Variants in CD109 observed in about 807,000 individuals in gnomAD.
CD109 encodes CD109 antigen.
In CD109, 149 loss-of-function variants were observed where a neutral mutation model predicts 165.8. The observed-to-expected ratio is 0.90, with a 90% CI of 0.79 to 1.03. The LOEUF is 1.03. CD109 is among the 50% of genes least tolerant of loss of function. The pLI is 0.00. For missense variants in CD109, 1,712 were observed against 1,677.8 expected, an observed-to-expected ratio of 1.02 and a Z score of -0.36; for synonymous variants, 585 against 592.1, an observed-to-expected ratio of 0.99 and a Z score of 0.18.
intron 16 of CD109, among the ~76,000 whole-genome samples, chr6:73,780,769 T>C (rs1774455442): frequency 1.1e-5 from 1 of 90,840 alleles, no homozygotes; most frequent in South Asian, 2.9e-4. Context: ...ATATATTTTA[T>C]GTATATATAT....
At position 73,766,021 on chromosome 6, in the gene CD109, A is replaced by C. The variant is rs1303022517; in HGVS notation, c.1199A>C (p.Glu400Ala). Reference sequence around the variant, plus strand: ...ACAGTGACACAGAGAAACTATACTGAGTACTGGAGCGGATCTAACAGTGGA... The same window carrying C: ...ACAGTGACACAGAGAAACTATACTGCGTACTGGAGCGGATCTAACAGTGGA... ...VITVTQRNYTEYWSGSNSGNQ... is the reference protein window; with the variant it reads ...VITVTQRNYTAYWSGSNSGNQ... The change falls in exon 11 of 33, where the codon GAG (glutamate) becomes GCG (alanine). Residue 400 changes from glutamate to alanine, a missense_variant. Transcript: ENST00000287097. The C allele has an allele frequency of 1.2e-6, 2 of 1,613,894 alleles. No individual in the cohort carries two copies. The highest frequency in any genetic ancestry group is 8.5e-7 in the Non-Finnish European group (1 of 1,179,758).
intron 30 of CD109, among the ~76,000 whole-genome samples, chr6:73,816,233 T>C (rs1368687400): frequency 6.6e-6 from 1 of 152,202 alleles, no homozygotes; most frequent in Non-Finnish European, 1.5e-5. Context: ...AATCTCTGTG[T>C]TGGCATCCTT....
intron 6 of CD109, 114 bp from the exon 7 acceptor site, chr6:73,758,830 T>C: frequency 1.5e-6 from 1 of 678,784 alleles, no homozygotes; most frequent in Non-Finnish European, 2.6e-6. Context: ...ACAACAATTT[T>C]ATTTTTCATT....
Position 73,788,508 on chromosome 6 carries a change from T to C in CD109, c.2597T>C (p.Leu866Ser). The C allele has an allele frequency of 6.2e-7, 1 of 1,611,912 alleles. No individual in the cohort carries two copies. Among genetic ancestry groups the C allele is most frequent in the East Asian group, 2.2e-5 (1 of 44,820 alleles). Residue 866 changes from leucine to serine, a missense_variant, in exon 22 of 33, where the codon TTA (leucine) becomes TCA (serine). Leu to Ser is a moderately radical substitution (Grantham distance 145, BLOSUM62 -2). Transcript: ENST00000287097. ...AAATCATATTCACAATCCATCTTAT[T>C]AGACTTGACTGACAATAGGCTACAG... Reference protein sequence around the residue: ...IEKSYSQSILLDLTDNRLQST... With the variant: ...IEKSYSQSILSDLTDNRLQST...
chr6:73,773,210 ATATT>A (rs1270601793), intron 15 of CD109, among the ~76,000 whole-genome samples: 1 of 150,400 alleles, frequency 6.6e-6, no homozygotes, highest in Non-Finnish European at 1.5e-5. Context: ...ATTTACAAGT[ATATT>A]TATATATACA....
chr6:73,725,570 G>A (rs1387457417), intron 3 of CD109, among the ~76,000 whole-genome samples: 2 of 146,420 alleles, frequency 1.4e-5, no homozygotes, highest in Non-Finnish European at 3.0e-5. Flanking sequence ...GAGCAGTGGC[G>A]CGATCTCGGC....
chr6:73,744,784 C>T (rs1238865927), intron 5 of CD109, among the ~76,000 whole-genome samples: 2 of 152,186 alleles, frequency 1.3e-5, no homozygotes, highest in Non-Finnish European at 1.5e-5. Context: ...TTCTGTACCC[C>T]TCTCTGAAGA....
intron 5 of CD109, among the ~76,000 whole-genome samples, chr6:73,744,384 C>G (rs1294268463): frequency 1.3e-5 from 2 of 152,188 alleles, no homozygotes; most frequent in Non-Finnish European, 2.9e-5. Flanking sequence ...TCTAGTCTCA[C>G]TCTGCTATAT....
chr6:73,705,941 T>A (rs547013568), intron 2 of CD109, among the ~76,000 whole-genome samples: 1 of 152,098 alleles, frequency 6.6e-6, no homozygotes, highest in East Asian at 1.9e-4. Flanking sequence ...GGACGGTCTC[T>A]CAAAAGGCAC....
At chr6:73,777,365 C>T (rs1774290228) in intron 15 of CD109, among the ~76,000 whole-genome samples, 1 of 151,934 alleles carries the variant, frequency 6.6e-6, no homozygotes, top group African/African-American at 2.4e-5. Context: ...CAAAAATTTT[C>T]TCCCATTTTG....
intron 2 of CD109, among the ~76,000 whole-genome samples, chr6:73,704,742 T>C (rs965938664): frequency 1.3e-5 from 2 of 152,198 alleles, no homozygotes; most frequent in African/African-American, 4.8e-5. Context: ...TTATTTGCTG[T>C]ATGTGAAACA....
chr6:73,797,456 T>G (rs1382756081), intron 23 of CD109, among the ~76,000 whole-genome samples: 1 of 152,254 alleles, frequency 6.6e-6, no homozygotes, highest in Admixed American at 6.5e-5. Context: ...ATTCGGATGT[T>G]GCCATTGGTC....
chr6:73,774,067 TA>T (rs1308479570), intron 15 of CD109, among the ~76,000 whole-genome samples: 1 of 152,240 alleles, frequency 6.6e-6, no homozygotes, highest in Admixed American at 6.5e-5. Context: ...TTTTAATATC[TA>T]TTATTTTTCC....
At position 73,787,303 on chromosome 6, in the gene CD109, G is replaced by A. The variant is rs776569949; in HGVS notation, c.2407G>A (p.Gly803Ser). ...LMTSNEINATGHQQTLLVPSE... is the reference protein window; with the variant it reads ...LMTSNEINATSHQQTLLVPSE... ...GACTTCAAATGAAATAAATGCCACA[G>A]GCCACCAGCAGACCCTTCTGGTTCC... The change falls in exon 21 of 33, where the codon GGC becomes AGC. Residue 803 changes from glycine (G) to serine (S), a missense_variant. Gly to Ser is a moderately conservative substitution (Grantham distance 56). Coordinates refer to ENST00000287097, the MANE Select transcript of CD109 (RefSeq NM_133493.5). The A allele has an allele frequency of 6.2e-7, 1 of 1,613,960 alleles. No individual in the cohort carries two copies. The highest frequency in any genetic ancestry group is 8.5e-7 in the Non-Finnish European group (1 of 1,179,894).
In CD109 at chr6:73,780,732, C is replaced by A. The variant is rs1774451550; in HGVS notation, c.1902+234C>A. ...AATTGACATTAAACAAATAATTTTT[C>A]CTTTATGTATATGTATTTCCATATA... On this transcript the variant is annotated intron_variant, in intron 16 of 32. Coordinates refer to ENST00000287097, the MANE Select transcript of CD109 (RefSeq NM_133493.5). 2.5e-5 allele frequency among the ~76,000 whole-genome samples: 3 copies of A among 118,956 alleles called. 1 individual carries two copies. The highest frequency in any genetic ancestry group is 3.4e-5 in the African/African-American group (1 of 29,654). The allele number at this position is 118,956 out of a possible 152,430, so 78.0% of individuals were successfully genotyped here.
intron 29 of CD109, among the ~76,000 whole-genome samples, chr6:73,813,690 A>G (rs1775830384): frequency 6.6e-6 from 1 of 152,166 alleles, no homozygotes; most frequent in South Asian, 2.1e-4. Context: ...TGGGTAATAA[A>G]ATACTAAACT....
rs1400636340 is a variant in CD109, at chr6:73,730,588, A to G, written c.507+14A>G. ...ATTCTCATTAAGGTAAGTGCCAGAC[A>G]GAAATGAAGCAAGGAATTCTAGCCA... On this transcript the variant is annotated intron_variant, in intron 4 of 32. Coordinates refer to ENST00000287097, the MANE Select transcript of CD109 (RefSeq NM_133493.5). The G allele has an allele frequency of 6.5e-7, 1 of 1,539,668 alleles. No homozygotes were observed. The highest frequency in any genetic ancestry group is 1.7e-5 in the Admixed American group (1 of 58,986).
intron 27 of CD109, among the ~76,000 whole-genome samples, chr6:73,810,443 A>G (rs1168179390): frequency 1.3e-5 from 2 of 151,920 alleles, no homozygotes; most frequent in African/African-American, 4.8e-5. Context: ...TGATATTTAT[A>G]TGGAATAAAT....
At chr6:73,811,253 G>A in intron 28 of CD109, 106 bp downstream of exon 28, 1 of 1,300,766 alleles carries the variant, frequency 7.7e-7, no homozygotes. Flanking sequence ...TGTTTCCAGA[G>A]CTCTGTAGAG....
Sources: allele counts gnomAD v4.1 joint callset (sites outside exome capture counted in the v4.1 genomes callset), GRCh38; gene constraint gnomAD v4.1.1; transcripts MANE v1.5; gene names NCBI Gene and HGNC (gene_info 2026-07-23, HGNC 2026-07-21).